The following EIPR1 variants were observed in gnomAD, a reference collection of about 807,000 sequenced individuals.
EIPR1 encodes EARP and GARP complex-interacting protein 1.
A neutral mutation model predicts 48.1 loss-of-function variants in EIPR1; 25 were observed. The ratio of observed to expected loss-of-function variants is 0.52; its 90% confidence interval spans 0.38 to 0.73. The LOEUF is 0.73. EIPR1 is among the 30% of genes least tolerant of loss of function. The pLI is 0.00. For synonymous variants in EIPR1, 204 were observed against 201.9 expected, an observed-to-expected ratio of 1.01 and a Z score of -0.09; for missense variants, 415 against 506.2, an observed-to-expected ratio of 0.82 and a Z score of 1.73.
intron 2 of EIPR1, among the ~76,000 whole-genome samples, chr2:3,352,597 T>G (rs190116449): frequency 1.3e-5 from 2 of 152,254 alleles, no homozygotes; most frequent in Non-Finnish European, 2.9e-5. Flanking sequence ...TGTTGACATA[T>G]CCTCTGAAGG....
chr2:3,296,795 C>G (rs964685922), intron 3 of EIPR1, among the ~76,000 whole-genome samples: 1 of 152,244 alleles, frequency 6.6e-6, no homozygotes, highest in Admixed American at 6.5e-5. Flanking sequence ...TGCACACACA[C>G]TGTCCATCCA....
chr2:3,241,267 G>A (rs538285115), intron 4 of EIPR1, among the ~76,000 whole-genome samples: 2 of 152,322 alleles, frequency 1.3e-5, no homozygotes, highest in South Asian at 2.1e-4. Flanking sequence ...CAGATGCCAC[G>A]AGGTAATCCA....
chr2:3,331,343 G>T, intron 3 of EIPR1, among the ~76,000 whole-genome samples: 1 of 64,680 alleles, frequency 1.5e-5, no homozygotes, highest in Admixed American at 1.2e-4. Context: ...TCATGAGATG[G>T]TGTGAGCAGA....
At chr2:3,301,804 A>G (rs1360602160) in intron 3 of EIPR1, among the ~76,000 whole-genome samples, 1 of 152,234 alleles carries the variant, frequency 6.6e-6, no homozygotes, top group East Asian at 1.9e-4. Context: ...GTGGATACTC[A>G]AACCCACCAT....
At chr2:3,273,836 A>C (rs1454245655) in intron 3 of EIPR1, among the ~76,000 whole-genome samples, 2 of 152,220 alleles carry the variant, frequency 1.3e-5, no homozygotes, top group East Asian at 3.8e-4. Flanking sequence ...CCATGAAGAC[A>C]GTGGCCTGAA....
At chr2:3,310,448 CTG>C (rs1558289680) in intron 3 of EIPR1, among the ~76,000 whole-genome samples, 5 of 141,242 alleles carry the variant, frequency 3.5e-5, no homozygotes, top group Non-Finnish European at 7.6e-5. Context: ...GGTCAGGAGA[CTG>C]AGACCATCCT....
At position 3,243,673 on chromosome 2, in the gene EIPR1, A is replaced by T. The variant is rs181282214; in HGVS notation, c.416+13626T>A. Among the ~76,000 whole-genome samples the T allele has an allele frequency of 9.3e-4, 142 of 152,182 alleles. 1 individual carries two copies. In the East Asian group the frequency reaches 0.01, roughly 11 times the overall value. The stretch of plus-strand genomic sequence containing the variant: ...GAAATTAAATTAAAAATTTTTTTTA[A>T]AAATTTAAAAAGAATTCACAAGCAA... On this transcript the variant is annotated intron_variant, in intron 4 of 8. Transcript: ENST00000382125.
intron 3 of EIPR1, among the ~76,000 whole-genome samples, chr2:3,310,647 C>T (rs1328864834): frequency 8.2e-6 from 1 of 121,406 alleles, no homozygotes; most frequent in Admixed American, 8.8e-5. Flanking sequence ...AGCCAGACTC[C>T]GTCTCAAAAA....
intron 3 of EIPR1, among the ~76,000 whole-genome samples, chr2:3,327,961 G>A (rs1170828487): frequency 6.6e-6 from 1 of 151,990 alleles, no homozygotes; most frequent in African/African-American, 2.4e-5. Context: ...TGCCCAGACT[G>A]GTCTTGAACT....
chr2:3,310,607 C>T (rs957849718), intron 3 of EIPR1, among the ~76,000 whole-genome samples: 29 of 146,566 alleles, frequency 2.0e-4, no homozygotes, highest in Admixed American at 1.1e-3. Context: ...GAGCCGAGAT[C>T]CCGCCACTGC....
At chr2:3,245,202 T>C (rs1346483917) in intron 4 of EIPR1, among the ~76,000 whole-genome samples, 1 of 152,056 alleles carries the variant, frequency 6.6e-6, no homozygotes, top group Non-Finnish European at 1.5e-5. Flanking sequence ...TGCGTTGCGT[T>C]GCGTTGCATT....
intron 4 of EIPR1, among the ~76,000 whole-genome samples, chr2:3,230,713 T>C (rs554905418): frequency 8.5e-5 from 13 of 152,384 alleles, no homozygotes; most frequent in African/African-American, 3.1e-4. Flanking sequence ...TTGGTCTATA[T>C]GTCAATTTGT....
rs546804758 is a variant in EIPR1 at position 3,322,596 on chromosome 2, G to A, written c.259+15421C>T. Among the ~76,000 whole-genome samples, 22 of 152,304 alleles carry A rather than the reference G, an allele frequency of 1.4e-4. No individual in the cohort carries two copies. The South Asian group carries it at 4.4e-3, about 30-fold the overall frequency. ...GCAATCCTGTGGTCTTCCTCATCCA[G>A]CACTGACTGTGGACGCCCTAACTTG... On this transcript the variant is annotated intron_variant, in intron 3 of 8. Coordinates refer to ENST00000382125, the MANE Select transcript of EIPR1 (RefSeq NM_003310.5).
chr2:3,353,246 C>T (rs763854764), intron 2 of EIPR1: 1 of 471,152 alleles, frequency 2.1e-6, no homozygotes, highest in Non-Finnish European at 4.4e-6. Flanking sequence ...TGGAACACAT[C>T]CCCTGTGAAA....
chr2:3,269,414 C>T (rs527751101), intron 3 of EIPR1, among the ~76,000 whole-genome samples: 3 of 129,604 alleles, frequency 2.3e-5, no homozygotes, highest in South Asian at 5.7e-4. Flanking sequence ...ACTCAATCAT[C>T]GCACTCAATC....
intron 3 of EIPR1, among the ~76,000 whole-genome samples, chr2:3,268,981 T>TG (rs1286954804): frequency 5.3e-5 from 8 of 152,194 alleles, no homozygotes; most frequent in Non-Finnish European, 5.9e-5. Context: ...GTGGGGCCTC[T>TG]GGGAGGCCCA....
At chr2:3,351,727 G>A (rs147049724) in intron 2 of EIPR1, among the ~76,000 whole-genome samples, 51 of 152,068 alleles carry the variant, frequency 3.4e-4, no homozygotes, top group African/African-American at 1.0e-3. Flanking sequence ...ATACACATTC[G>A]GAAAACAAAA....
chr2:3,192,268 GA>G, intron 8 of EIPR1, 145 bp downstream of exon 8: 1 of 983,580 alleles, frequency 1.0e-6, no homozygotes, highest in Non-Finnish European at 1.4e-6. Flanking sequence ...CTGGAACTGT[GA>G]GTCCCCACAG....
chr2:3,370,951 T>C (rs1032337253), intron 1 of EIPR1, among the ~76,000 whole-genome samples: 10 of 152,060 alleles, frequency 6.6e-5, no homozygotes, highest in African/African-American at 2.4e-4. Flanking sequence ...TTCACCAAAG[T>C]TGAAATGAAG....
Sources: allele counts gnomAD v4.1 joint callset (sites outside exome capture counted in the v4.1 genomes callset), GRCh38; gene constraint gnomAD v4.1.1; transcripts MANE v1.5; gene names NCBI Gene and HGNC (gene_info 2026-07-23, HGNC 2026-07-21).